The following SHROOM3 variants were observed in gnomAD, a reference collection of about 807,000 sequenced individuals.
The protein encoded by SHROOM3 is protein Shroom3.
In SHROOM3, 47 loss-of-function variants were observed where a neutral mutation model predicts 138.6. The ratio of observed to expected loss-of-function variants is 0.34; its 90% CI spans 0.27 to 0.43. The LOEUF is 0.43. Among genes scored for constraint, SHROOM3 ranks in the 20% least tolerant of loss-of-function variants. The pLI, the probability that SHROOM3 is intolerant of heterozygous loss-of-function variation, is 1.00. For missense variants in SHROOM3, 2,491 were observed against 2,596.5 expected (o/e 0.96, Z 0.88); for synonymous variants, 1,062 against 1,063.3 (o/e 1.00, Z 0.02).
chr4:76,574,029 C>T (rs1226732819), intron 2 of SHROOM3, among the ~76,000 whole-genome samples: 1 of 152,160 alleles, frequency 6.6e-6, no homozygotes, highest in Non-Finnish European at 1.5e-5. Flanking sequence ...AGCCCTTTGA[C>T]ATTCTCCTCA....
intron 3 of SHROOM3, among the ~76,000 whole-genome samples, chr4:76,723,261 G>C (rs1720603276): frequency 6.6e-6 from 1 of 151,986 alleles, no homozygotes; most frequent in South Asian, 2.1e-4. Flanking sequence ...AGCCTCGGTG[G>C]CCCAATATGA....
chr4:76,670,666 G>T (rs1038815133), intron 2 of SHROOM3, among the ~76,000 whole-genome samples: 4 of 152,218 alleles, frequency 2.6e-5, no homozygotes, highest in Admixed American at 2.6e-4. Flanking sequence ...TCAAGAAAGA[G>T]ATTTTGGCTA....
intron 1 of SHROOM3, among the ~76,000 whole-genome samples, chr4:76,517,481 C>T (rs1340527415): frequency 2.0e-5 from 3 of 152,174 alleles, no homozygotes; most frequent in Non-Finnish European, 4.4e-5. Context: ...GGTAGTTTCA[C>T]AGAATTCTTG....
intron 1 of SHROOM3, among the ~76,000 whole-genome samples, chr4:76,471,115 C>T (rs1173017376): frequency 6.6e-6 from 1 of 152,118 alleles, no homozygotes; most frequent in Non-Finnish European, 1.5e-5. Context: ...CAAAAAACAA[C>T]AGGTAAATTT....
intron 2 of SHROOM3, among the ~76,000 whole-genome samples, chr4:76,563,664 A>G (rs147408865): frequency 5.3e-5 from 8 of 152,314 alleles, no homozygotes; most frequent in African/African-American, 1.7e-4. Flanking sequence ...ATGACATCAA[A>G]AGATAACTAT....
intron 1 of SHROOM3, among the ~76,000 whole-genome samples, chr4:76,495,523 C>A (rs749591614): frequency 1.3e-5 from 2 of 152,228 alleles, no homozygotes; most frequent in Non-Finnish European, 2.9e-5. Context: ...CACTTCTGTG[C>A]CTTTCTGCTT....
chr4:76,660,083 CCT>C (rs1014976713), intron 2 of SHROOM3, among the ~76,000 whole-genome samples: 6 of 152,086 alleles, frequency 3.9e-5, no homozygotes, highest in African/African-American at 1.2e-4. Flanking sequence ...CTCACACGCA[CCT>C]CTCTCACCCA....
chr4:76,515,519 GTTA>G (rs1732426795), intron 1 of SHROOM3, among the ~76,000 whole-genome samples: 1 of 152,082 alleles, frequency 6.6e-6, no homozygotes, highest in Admixed American at 6.5e-5. Context: ...GAATGTTATT[GTTA>G]TTATTATTAT....
intron 1 of SHROOM3, among the ~76,000 whole-genome samples, chr4:76,477,951 T>C (rs28429729): frequency 0.048 from 7,339 of 152,134 alleles, 201 homozygotes; most frequent in Middle Eastern, 0.075. Flanking sequence ...GGCCCAGACA[T>C]TATGCTTTTC....
At chr4:76,555,071 C>G (rs1011501331) in intron 1 of SHROOM3, among the ~76,000 whole-genome samples, 3 of 151,514 alleles carry the variant, frequency 2.0e-5, no homozygotes, top group African/African-American at 7.3e-5. Flanking sequence ...TCCGCTGATT[C>G]TATGTTATGC....
chr4:76,693,083 T>C (rs1719603791), intron 2 of SHROOM3, among the ~76,000 whole-genome samples: 1 of 152,200 alleles, frequency 6.6e-6, no homozygotes, highest in Non-Finnish European at 1.5e-5. Flanking sequence ...CTGGACAAGA[T>C]ATTAAATAAA....
chr4:76,465,178 G>A (rs1054262705), intron 1 of SHROOM3, among the ~76,000 whole-genome samples: 28 of 152,348 alleles, frequency 1.8e-4, no homozygotes, highest in Admixed American at 5.2e-4. Flanking sequence ...GCTAGCATAT[G>A]TCTACATATG....
intron 2 of SHROOM3, among the ~76,000 whole-genome samples, chr4:76,691,146 T>C (rs1719524085): frequency 6.6e-6 from 1 of 152,178 alleles, no homozygotes; most frequent in African/African-American, 2.4e-5. Context: ...ATGGTTAATA[T>C]GTTTATTGGC....
At chr4:76,730,330 C>T (rs1720834861) in intron 3 of SHROOM3, among the ~76,000 whole-genome samples, 1 of 152,170 alleles carries the variant, frequency 6.6e-6, no homozygotes, top group Admixed American at 6.5e-5. Context: ...ATCATTTACC[C>T]AGCAACAGGA....
chr4:76,492,377 T>C (rs1318903456), intron 1 of SHROOM3, among the ~76,000 whole-genome samples: 4 of 152,202 alleles, frequency 2.6e-5, no homozygotes, highest in African/African-American at 9.6e-5. Context: ...GATTGAAAAG[T>C]AATTGATTGC....
intron 2 of SHROOM3, among the ~76,000 whole-genome samples, chr4:76,661,463 C>T (rs1168335656): frequency 6.6e-6 from 1 of 152,026 alleles, no homozygotes; most frequent in African/African-American, 2.4e-5. Flanking sequence ...ATCTCCTGAC[C>T]TCATGATCCG....
At chr4:76,448,034 GA>G (rs1230702872) in intron 1 of SHROOM3, among the ~76,000 whole-genome samples, 2 of 151,346 alleles carry the variant, frequency 1.3e-5, no homozygotes, top group African/African-American at 4.8e-5. Context: ...GTATAAAAAA[GA>G]AAAAAATACA....
intron 2 of SHROOM3, among the ~76,000 whole-genome samples, chr4:76,694,657 T>G (rs967928931): frequency 6.6e-6 from 1 of 152,200 alleles, no homozygotes; most frequent in African/African-American, 2.4e-5. Flanking sequence ...ATCTGCAAGA[T>G]GGTGATAATG....
intron 1 of SHROOM3, among the ~76,000 whole-genome samples, chr4:76,463,447 T>A (rs1218250893): frequency 1.3e-5 from 2 of 152,164 alleles, no homozygotes; most frequent in African/African-American, 2.4e-5. Context: ...AAACAGAGCA[T>A]AAAAGATTGG....
Sources: gnomAD v4.1 joint callset for allele counts (sites outside exome capture counted in the v4.1 genomes callset) on GRCh38, gnomAD v4.1.1 for gene constraint, MANE v1.5 for transcripts, NCBI Gene and HGNC (gene_info 2026-07-23, HGNC 2026-07-21) for gene names.